LUM: variants seen among roughly 807,000 people sequenced by gnomAD.
LUM encodes KSPG lumican.
In LUM, 13 loss-of-function variants were observed where a neutral mutation model predicts 20.5. That is an observed-to-expected ratio of 0.63 (90% confidence interval 0.41 to 1.01). The LOEUF (loss-of-function observed/expected upper bound fraction) is 1.01, where lower values mean the gene tolerates loss of function less well. LUM is among the 50% of genes least tolerant of loss of function. The pLI, the probability that LUM is intolerant of heterozygous loss-of-function variation, is 0.00. For missense variants in LUM, 321 were observed against 391.1 expected (o/e 0.82, Z 1.51); for synonymous variants, 173 against 151.5 (o/e 1.14, Z -1.04).
At chr12:91,107,269 A>AG (rs1880079981) in intron 2 of LUM, among the ~76,000 whole-genome samples, 2 of 86,882 alleles carry the variant, frequency 2.3e-5, no homozygotes, top group Non-Finnish European at 4.6e-5. Context: ...GAAAGAAAGA[A>AG]AGAAAGAAAG....
At chr12:91,105,929 T>G (rs1880020588) in intron 2 of LUM, among the ~76,000 whole-genome samples, 2 of 152,198 alleles carry the variant, frequency 1.3e-5, no homozygotes, top group Non-Finnish European at 2.9e-5. Flanking sequence ...CATCGTAAAT[T>G]CCTTTAGCAT....
chr12:91,104,997 G>A (rs922920723), intron 2 of LUM, among the ~76,000 whole-genome samples: 1 of 152,144 alleles, frequency 6.6e-6, no homozygotes, highest in Admixed American at 6.6e-5. Flanking sequence ...TTACTGAATT[G>A]ACTGACCTGT....
rs183237601 is a variant in LUM, at chr12:91,109,550, G to T, written c.-21-550C>A. On this transcript the variant is annotated intron_variant, in intron 1 of 2. Coordinates refer to ENST00000266718, the MANE Select transcript of LUM (RefSeq NM_002345.4). ...GGTTACTGTTGGTTCTGAGGAAGGA[G>T]AACAGAATTCTTGGTGCTGGTGTGC... Among the ~76,000 whole-genome samples, 15 of 152,242 alleles carry T rather than the reference G, an allele frequency of 9.9e-5. No homozygotes were observed. In the East Asian group the frequency reaches 2.3e-3, roughly 24 times the overall value.
chr12:91,104,384 A>T, intron 2 of LUM, 65 bp from the exon 3 acceptor site: 3 of 1,113,310 alleles, frequency 2.7e-6, no homozygotes, highest in Non-Finnish European at 3.9e-6. Flanking sequence ...CAATACAAAA[A>T]ATTTATGTTT....
chr12:91,108,558 T>C lies in LUM; in HGVS notation c.422A>G (p.Asp141Gly). ...SVGPLPKSLE[D>G]LQLTHNKITK... Reference sequence around the variant, plus strand: ...GATCTTGTTATGAGTAAGCTGCAGATCCTCCAGAGATTTGGGAAGTGGGCC... The same window carrying C: ...GATCTTGTTATGAGTAAGCTGCAGACCCTCCAGAGATTTGGGAAGTGGGCC... Residue 141 changes from aspartate (D) to glycine (G), a missense_variant, in exon 2 of 3, where the codon GAT becomes GGT. Transcript: ENST00000266718. The surrounding 1 kb of genome is among the most constrained non-coding windows in gnomAD (Gnocchi z 4.2). 6.2e-7 allele frequency: 1 copy of C among 1,610,990 alleles called. No individual in the cohort carries two copies. Among genetic ancestry groups the C allele is most frequent in the Non-Finnish European group, 8.5e-7 (1 of 1,177,836 alleles).
rs1269773072 is a variant in LUM, at chr12:91,103,955, G to A, written c.*210C>T. On this transcript the variant is annotated 3_prime_UTR_variant, in exon 3 of 3. Transcript: ENST00000266718. ...ACACTAAATTTACAAATAAAGCATTGAGTTTGATGTCTATTCGTGTATATG... is the reference window on the plus strand; with the variant it reads ...ACACTAAATTTACAAATAAAGCATTAAGTTTGATGTCTATTCGTGTATATG... 1 of 408,212 alleles carries A rather than the reference G, an allele frequency of 2.4e-6. No individual in the cohort carries two copies. Among genetic ancestry groups the A allele is most frequent in the Non-Finnish European group, 4.3e-6 (1 of 230,182 alleles). 25.3% of individuals were successfully genotyped at this position (408,212 alleles called of 1,614,324 possible).
At chr12:91,107,287 G>GAGAAAGAAAGAAAGAA (rs869096187) in intron 2 of LUM, among the ~76,000 whole-genome samples, 28 of 61,312 alleles carry the variant, frequency 4.6e-4, no homozygotes, top group African/African-American at 1.2e-3. Context: ...AAGAAAGAAA[G>GAGAAAGAAAGAAAGAA]AGAAAGAAAG....
intron 1 of LUM, among the ~76,000 whole-genome samples, chr12:91,110,680 T>C (rs1190607077): frequency 6.6e-6 from 1 of 152,188 alleles, no homozygotes; most frequent in African/African-American, 2.4e-5. Context: ...AATGCTTCCA[T>C]ATTTTTTGGC....
rs867658631 is a variant in LUM, at chr12:91,105,041, T to A, written c.863-722A>T. On this transcript the variant is annotated intron_variant, in intron 2 of 2. Coordinates refer to ENST00000266718, the MANE Select transcript of LUM (RefSeq NM_002345.4). ...AGAAACTATGTTTGCCTATGTCTATTTTAGATTAACATTTTCAAGTCCTTT... is the reference window on the plus strand; with the variant it reads ...AGAAACTATGTTTGCCTATGTCTATATTAGATTAACATTTTCAAGTCCTTT... Among the ~76,000 whole-genome samples the A allele has an allele frequency of 5.3e-5, 8 of 152,308 alleles. No individual in the cohort carries two copies. The South Asian group carries it at 1.7e-3, about 32-fold the overall frequency.
rs1880147609 is a variant in LUM, at chr12:91,109,150, AT to A, written c.-21-151del. 4.2e-5 allele frequency: 27 copies of A among 642,160 alleles called. No homozygotes were observed. The South Asian group carries it at 4.8e-4, about 12-fold the overall frequency. The allele number at this position is 642,160 out of a possible 1,614,324, so 39.8% of individuals were successfully genotyped here. On this transcript the variant is annotated intron_variant, in intron 1 of 2. Coordinates refer to ENST00000266718, the MANE Select transcript of LUM (RefSeq NM_002345.4). ...ATCTAACAGCGTCTTTTAAATTTTT[AT>A]TTAGGTATGAGGACAAAGGTGTATG...
chr12:91,109,362 C>T (rs1880152635), intron 1 of LUM, among the ~76,000 whole-genome samples: 1 of 151,876 alleles, frequency 6.6e-6, no homozygotes, highest in Non-Finnish European at 1.5e-5. Flanking sequence ...GATCATCTCT[C>T]AAAAAAAGAG....
At position 91,108,060 on chromosome 12, in the gene LUM, A is replaced by C; in HGVS notation, c.862+58T>G. 6.4e-7 allele frequency: 1 copy of C among 1,574,610 alleles called. No homozygotes were observed. Among genetic ancestry groups the C allele is most frequent in the Non-Finnish European group, 8.7e-7 (1 of 1,144,802 alleles). ...GCCAGATGCAATATCTGTGTTGTGC[A>C]GCCCAGGTATTTAAACACTTGAGCA... On this transcript the variant is annotated intron_variant, in intron 2 of 2. Transcript: ENST00000266718. This position sits in a 1 kb window ranked among gnomAD's most constrained non-coding sequence, Gnocchi z 4.2.
At chr12:91,105,980 G>C (rs1880022049) in intron 2 of LUM, among the ~76,000 whole-genome samples, 1 of 152,130 alleles carries the variant, frequency 6.6e-6, no homozygotes, top group South Asian at 2.1e-4. Flanking sequence ...AACCACATAT[G>C]TTTAAAATGA....
At chr12:91,109,034 A>AT (rs1880145270) in intron 1 of LUM, 34 bp from the exon 2 acceptor site, 5 of 1,381,864 alleles carry the variant, frequency 3.6e-6, no homozygotes, top group Non-Finnish European at 5.0e-6. Context: ...TAATTAAAAA[A>AT]ATATATACTT....
rs144708376 is a variant in LUM at position 91,104,239 on chromosome 12, G to T, written c.943C>A (p.Arg315Ser). 8.1e-6 allele frequency: 13 copies of T among 1,612,426 alleles called. No homozygotes were observed. The Admixed American group carries it at 2.0e-4, about 25-fold the overall frequency. Residue 315 changes from arginine (R) to serine (S), a missense_variant, in exon 3 of 3, where the codon CGC (arginine) becomes AGC (serine). Arg to Ser is a moderately radical substitution (Grantham distance 110, BLOSUM62 -1). Coordinates refer to ENST00000266718, the MANE Select transcript of LUM (RefSeq NM_002345.4). The stretch of plus-strand genomic sequence containing the variant: ...GGTGGAAGACTGGTTTCTGAGATGC[G>T]ATTGCCATCCAAACGCAAATGCTTG... ...KIKHLRLDGN[R>S]ISETSLPPDM...
chr12:91,110,828 G>A (rs557914677), intron 1 of LUM, among the ~76,000 whole-genome samples: 3 of 152,144 alleles, frequency 2.0e-5, no homozygotes, highest in East Asian at 1.9e-4. Context: ...TTTCAAAAAC[G>A]AAATCATTTC....
chr12:91,104,435 CAT>C, intron 2 of LUM, 116 bp from the exon 3 acceptor site: 2 of 697,026 alleles, frequency 2.9e-6, no homozygotes, highest in Non-Finnish European at 4.6e-6. Flanking sequence ...TTAGAAAAGT[CAT>C]AATATAGTAT....
Position 91,108,800 on chromosome 12 carries a change from A to G in LUM, c.180T>C (p.Ser60=), listed in dbSNP as rs774135249. Residue 60 remains serine, a synonymous_variant, in exon 2 of 3, where the codon AGT becomes AGC. Coordinates refer to ENST00000266718, the MANE Select transcript of LUM (RefSeq NM_002345.4). This position sits in a 1 kb window ranked among gnomAD's most constrained non-coding sequence, Gnocchi z 4.2. ...TGATTCCAGGAGGCACCATTGGTAC[A>G]CTTTTCAATTTCAGCTCATCACAGT... ...AMYCDELKLK[S]VPMVPPGIKY... 10 of 1,614,028 alleles carry G rather than the reference A, an allele frequency of 6.2e-6. No homozygotes were observed. Among genetic ancestry groups the G allele is most frequent in the Non-Finnish European group, 7.6e-6 (9 of 1,179,980 alleles).
chr12:91,108,188 G>A lies in LUM; in HGVS notation c.792C>T (p.Asn264=). The A allele has an allele frequency of 2.5e-6, 4 of 1,614,048 alleles. No individual in the cohort carries two copies. Among genetic ancestry groups the A allele is most frequent in the Non-Finnish European group, 3.4e-6 (4 of 1,179,914 alleles). ...TGACAGTTGGTATGTTTTTAAGCTT[G>A]TTATAGGACAGATCCAGCTCAACCA... ...SSLVELDLSY[N]KLKNIPTVNE... Residue 264 remains asparagine, a synonymous_variant, in exon 2 of 3, where the codon AAC becomes AAT. Coordinates refer to ENST00000266718, the MANE Select transcript of LUM (RefSeq NM_002345.4). This position sits in a 1 kb window ranked among gnomAD's most constrained non-coding sequence, Gnocchi z 4.2.
Sources: allele counts gnomAD v4.1 joint callset (sites outside exome capture counted in the v4.1 genomes callset), GRCh38; gene constraint gnomAD v4.1.1; non-coding constraint Gnocchi (gnomAD v3.1); transcripts MANE v1.5; gene names NCBI Gene and HGNC (gene_info 2026-07-23, HGNC 2026-07-21).